HSCB: variants seen among roughly 807,000 people sequenced by gnomAD.
The protein encoded by HSCB is HscB mitochondrial iron-sulfur cluster cochaperone.
A neutral mutation model predicts 31.3 loss-of-function variants in HSCB; 23 were observed. That is an observed-to-expected ratio of 0.74 (90% CI 0.53 to 1.04). The LOEUF is 1.04. Among genes scored for constraint, HSCB ranks in the 50% least tolerant of loss-of-function variants. The pLI is 0.00. For synonymous variants in HSCB, 110 were observed against 104.5 expected (o/e 1.05, Z -0.32); for missense variants, 297 against 288.1 (o/e 1.03, Z -0.22).
chr22:28,742,568 G>A, intron 1 of HSCB: 3 of 626,072 alleles, frequency 4.8e-6, no homozygotes, highest in South Asian at 2.5e-5. Flanking sequence ...CTGGAGGGGC[G>A]GGCGCTGAAG....
chr22:28,744,764 C>A, intron 3 of HSCB, 60 bp downstream of exon 3: 1 of 1,267,514 alleles, frequency 7.9e-7, no homozygotes, highest in African/African-American at 1.5e-5. Flanking sequence ...TGGCGTAGGA[C>A]AGCCACGTCC....
At chr22:28,751,907 TG>T (rs2030283870) in intron 5 of HSCB, among the ~76,000 whole-genome samples, 1 of 151,416 alleles carries the variant, frequency 6.6e-6, no homozygotes. Context: ...CTGGCCAACA[TG>T]GTGAAACTCC....
At chr22:28,747,278 CTT>C (rs1336387681) in intron 4 of HSCB, among the ~76,000 whole-genome samples, 1 of 152,100 alleles carries the variant, frequency 6.6e-6, no homozygotes, top group Non-Finnish European at 1.5e-5. Flanking sequence ...TCTACGAATA[CTT>C]TCACAGGATC....
intron 5 of HSCB, among the ~76,000 whole-genome samples, chr22:28,756,338 C>T (rs1488536497): frequency 1.3e-5 from 2 of 152,024 alleles, no homozygotes; most frequent in African/African-American, 4.8e-5. Context: ...GCCTCAGCAC[C>T]TGAACTGTAA....
chr22:28,755,190 C>T (rs986937622), intron 5 of HSCB, among the ~76,000 whole-genome samples: 1 of 150,312 alleles, frequency 6.7e-6, no homozygotes, highest in Admixed American at 6.6e-5. Context: ...GCGGGCGGAT[C>T]ACGAGGTCAG....
At chr22:28,751,650 G>A (rs2030265614) in intron 5 of HSCB, among the ~76,000 whole-genome samples, 2 of 151,920 alleles carry the variant, frequency 1.3e-5, no homozygotes, top group African/African-American at 4.8e-5. Flanking sequence ...GGAGGCTGAG[G>A]CAGGAGAATC....
chr22:28,750,945 C>CTTTTTTTTTTTTTTTTTTGTT (rs2030191882), intron 4 of HSCB, among the ~76,000 whole-genome samples: 1 of 56,452 alleles, frequency 1.8e-5, no homozygotes, highest in Non-Finnish European at 3.2e-5. Flanking sequence ...ATATCTTTGT[C>CTTTTTTTTTTTTTTTTTTGTT]TTTTTTTTTT....
At chr22:28,751,513 T>C (rs1194168007) in intron 5 of HSCB, among the ~76,000 whole-genome samples, 2 of 152,158 alleles carry the variant, frequency 1.3e-5, no homozygotes, top group Non-Finnish European at 2.9e-5. Context: ...ACTGGGAGGC[T>C]AAGGCGGGCG....
intron 3 of HSCB, 147 bp downstream of exon 3, chr22:28,744,851 G>T: frequency 1.5e-6 from 1 of 667,740 alleles, no homozygotes; most frequent in Non-Finnish European, 2.7e-6. Flanking sequence ...CAGAGGCTGA[G>T]GTGGTCAGAT....
At chr22:28,749,013 T>C (rs892206176) in intron 4 of HSCB, among the ~76,000 whole-genome samples, 1 of 151,930 alleles carries the variant, frequency 6.6e-6, no homozygotes, top group African/African-American at 2.4e-5. Flanking sequence ...TGGTGGCGCA[T>C]GCCTGTAGTC....
At chr22:28,750,943 G>GTATTTTTTTTTTTTTT (rs1202821377) in intron 4 of HSCB, among the ~76,000 whole-genome samples, 1 of 62,048 alleles carries the variant, frequency 1.6e-5, no homozygotes. Context: ...GTATATCTTT[G>GTATTTTTTTTTTTTTT]TCTTTTTTTT....
chr22:28,744,476 T>C, intron 2 of HSCB, 139 bp from the exon 3 acceptor site: 2 of 634,948 alleles, frequency 3.1e-6, no homozygotes, highest in South Asian at 3.7e-5. Flanking sequence ...CACTTGAACG[T>C]GGGAGGTGGA....
At position 28,743,987 on chromosome 22, in the gene HSCB, T is replaced by C. The variant is rs549151078; in HGVS notation, c.333+9T>C. On this transcript the variant is annotated intron_variant, in intron 2 of 5. Coordinates refer to ENST00000216027, the MANE Select transcript of HSCB (RefSeq NM_172002.5). ...TCAGCCAGAGGTCTCAGGTAGCTTATTGGCCAACCCCAATAATCCCCAAAT... is the reference window on the plus strand; with the variant it reads ...TCAGCCAGAGGTCTCAGGTAGCTTACTGGCCAACCCCAATAATCCCCAAAT... 14 of 1,599,058 alleles carry C rather than the reference T, an allele frequency of 8.8e-6. No homozygotes were observed. Among genetic ancestry groups the C allele is most frequent in the Middle Eastern group, 3.3e-4 (2 of 6,040 alleles).
intron 5 of HSCB, among the ~76,000 whole-genome samples, chr22:28,754,062 G>A (rs1280024941): frequency 6.6e-6 from 1 of 152,016 alleles, no homozygotes; most frequent in Non-Finnish European, 1.5e-5. Flanking sequence ...GAAATTGGAA[G>A]GTGGAGTTTG....
At chr22:28,749,833 C>A (rs946325567) in intron 4 of HSCB, among the ~76,000 whole-genome samples, 2 of 152,114 alleles carry the variant, frequency 1.3e-5, no homozygotes, top group African/African-American at 4.8e-5. Context: ...GTGCTACTGA[C>A]TTTGCGTGAC....
chr22:28,757,007 C>T, intron 5 of HSCB, 71 bp from the exon 6 acceptor site: 1 of 859,550 alleles, frequency 1.2e-6, no homozygotes, highest in South Asian at 1.3e-5. Flanking sequence ...TATATCGCTG[C>T]CCTAGTCATC....
chr22:28,742,163 G>A lies in HSCB; in HGVS notation c.68G>A (p.Arg23Lys), dbSNP rs1569180952. The change falls in exon 1 of 6, where the codon AGG becomes AAG. Residue 23 changes from arginine to lysine, a missense_variant. Physicochemically the swap from Arg to Lys is conservative, Grantham distance 26. Transcript: ENST00000216027. ...WGFWPTGVPR[R>K]RPLSCDAASQ... is the part of the protein sequence containing the mutation. ...TTTTGGCCGACAGGGGTTCCCAGAA[G>A]GAGACCGCTAAGCTGCGATGCTGCG... 2.5e-6 allele frequency: 4 copies of A among 1,613,806 alleles called. No homozygotes were observed. Among genetic ancestry groups the A allele is most frequent in the Middle Eastern group, 1.6e-4 (1 of 6,062 alleles).
At chr22:28,744,550 AAAAC>A (rs1386623427) in intron 2 of HSCB, 61 bp from the exon 3 acceptor site, 2 of 1,286,320 alleles carry the variant, frequency 1.6e-6, no homozygotes, top group African/African-American at 1.5e-5. Flanking sequence ...CGTCAAAACA[AAAAC>A]AAAAACAAAA....
At chr22:28,756,045 A>G (rs2030575055) in intron 5 of HSCB, among the ~76,000 whole-genome samples, 1 of 152,122 alleles carries the variant, frequency 6.6e-6, no homozygotes, top group African/African-American at 2.4e-5. Flanking sequence ...CAGGAGTTTG[A>G]GAGCAGCCAT....
Sources: gnomAD v4.1 joint callset for allele counts (sites outside exome capture counted in the v4.1 genomes callset) on GRCh38, gnomAD v4.1.1 for gene constraint, MANE v1.5 for transcripts, NCBI Gene and HGNC (gene_info 2026-07-23, HGNC 2026-07-21) for gene names.